The following FAM222A variants were observed in gnomAD, a reference collection of about 807,000 sequenced individuals.
FAM222A encodes family with sequence similarity 222 member A.
In FAM222A, 7 loss-of-function variants were observed where a neutral mutation model predicts 25.8. The observed-to-expected ratio is 0.27, with a 90% CI of 0.15 to 0.51. The LOEUF (loss-of-function observed/expected upper bound fraction) is 0.51. Ranked by LOEUF, FAM222A falls within the 20% of genes least tolerant of loss-of-function variation. The pLI is 0.97. For synonymous variants in FAM222A, 294 were observed against 298.8 expected (o/e 0.98, Z 0.17); for missense variants, 573 against 640.5 (o/e 0.89, Z 1.14).
intron 1 of FAM222A, among the ~76,000 whole-genome samples, chr12:109,719,482 G>A (rs1284608666): frequency 6.6e-6 from 1 of 152,196 alleles, no homozygotes; most frequent in Non-Finnish European, 1.5e-5. Context: ...GTGGTCAAGT[G>A]ATAAGAAATC....
intron 1 of FAM222A, among the ~76,000 whole-genome samples, chr12:109,733,441 A>G (rs143673401): frequency 1.7e-4 from 25 of 150,574 alleles, no homozygotes; most frequent in Admixed American, 4.0e-4. Flanking sequence ...TCGTTCTGTC[A>G]CCCAGGCTGG....
At chr12:109,760,043 G>C (rs1888848351) in intron 2 of FAM222A, among the ~76,000 whole-genome samples, 1 of 152,190 alleles carries the variant, frequency 6.6e-6, no homozygotes, top group Admixed American at 6.5e-5. Flanking sequence ...CAGTGGGCCA[G>C]GGGTATGTAG....
At chr12:109,760,882 C>T (rs1273503044) in intron 2 of FAM222A, among the ~76,000 whole-genome samples, 1 of 152,146 alleles carries the variant, frequency 6.6e-6, no homozygotes, top group African/African-American at 2.4e-5. Context: ...GCCTTGAATG[C>T]CACCCTCAGC....
rs796713756 is a variant in FAM222A, at chr12:109,743,995, A to G, written c.-46-106A>G. 2.8e-6 allele frequency: 4 copies of G among 1,424,220 alleles called. No individual in the cohort carries two copies. The South Asian group carries it at 4.6e-5, about 16-fold the overall frequency. 88.2% of individuals were successfully genotyped at this position (1,424,220 alleles called of 1,614,324 possible). Reference sequence around the variant, plus strand: ...AAGGGAAATGGGTGTCTGCTTTGAGAGTCTCTGATGTTCTTCGGGGTTGCA... The same window carrying G: ...AAGGGAAATGGGTGTCTGCTTTGAGGGTCTCTGATGTTCTTCGGGGTTGCA... On this transcript the variant is annotated intron_variant, in intron 1 of 2. Coordinates refer to ENST00000538780, the MANE Select transcript of FAM222A (RefSeq NM_032829.3).
intron 1 of FAM222A, chr12:109,722,408 A>T (rs553992373): frequency 6.6e-6 from 1 of 152,214 alleles, no homozygotes; most frequent in South Asian, 2.1e-4. Flanking sequence ...GGCTACCTTC[A>T]GTCTACTAGA....
chr12:109,725,680 G>A (rs766889139), intron 1 of FAM222A, among the ~76,000 whole-genome samples: 9 of 151,882 alleles, frequency 5.9e-5, no homozygotes, highest in Non-Finnish European at 1.2e-4. Flanking sequence ...AGCTCCCATT[G>A]TAATCATTAA....
chr12:109,757,391 G>A (rs760837013), intron 2 of FAM222A, among the ~76,000 whole-genome samples: 1 of 152,168 alleles, frequency 6.6e-6, no homozygotes, highest in Non-Finnish European at 1.5e-5. Context: ...GAGACAGTGG[G>A]ATCAGCACAA....
intron 1 of FAM222A, among the ~76,000 whole-genome samples, chr12:109,724,636 C>G (rs1364618608): frequency 6.6e-6 from 1 of 152,192 alleles, no homozygotes; most frequent in East Asian, 1.9e-4. Context: ...CTCATGCCAC[C>G]CCATCCTAGC....
At chr12:109,764,860 C>T (rs374395899) in intron 2 of FAM222A, among the ~76,000 whole-genome samples, 73 of 152,288 alleles carry the variant, frequency 4.8e-4, no homozygotes, top group African/African-American at 1.1e-3. Context: ...AATCCAATCT[C>T]GGAGAAAGAT....
At chr12:109,748,612 T>A (rs1171901405) in intron 2 of FAM222A, among the ~76,000 whole-genome samples, 1 of 152,160 alleles carries the variant, frequency 6.6e-6, no homozygotes, top group African/African-American at 2.4e-5. Context: ...TAAATTATGT[T>A]TCTCTAGAAA....
intron 2 of FAM222A, among the ~76,000 whole-genome samples, chr12:109,766,092 G>A (rs1889041935): frequency 6.6e-6 from 1 of 152,106 alleles, no homozygotes; most frequent in South Asian, 2.1e-4. Flanking sequence ...CCCCTACTGA[G>A]CCCCCGGCGC....
At chr12:109,731,918 T>C (rs2241249) in intron 1 of FAM222A, among the ~76,000 whole-genome samples, 19,107 of 152,226 alleles carry the variant, frequency 0.13, 1,799 homozygotes, top group East Asian at 0.29. Flanking sequence ...GAGCATCTAC[T>C]GTATGTCTGG....
intron 2 of FAM222A, among the ~76,000 whole-genome samples, chr12:109,766,025 T>C (rs1889039348): frequency 6.6e-6 from 1 of 152,126 alleles, no homozygotes; most frequent in Admixed American, 6.5e-5. Flanking sequence ...GTGGTGAAGC[T>C]CCTCTCCCAG....
intron 1 of FAM222A, among the ~76,000 whole-genome samples, chr12:109,731,971 A>C (rs1887957132): frequency 1.3e-5 from 2 of 152,208 alleles, no homozygotes; most frequent in African/African-American, 4.8e-5. Context: ...GTGAGGCCTG[A>C]GGCCCAGCCT....
Position 109,767,997 on chromosome 12 carries a change from G to A in FAM222A, c.83-15G>A, listed in dbSNP as rs1168984495. 6.2e-7 allele frequency: 1 copy of A among 1,607,362 alleles called. No individual in the cohort carries two copies. Among genetic ancestry groups the A allele is most frequent in the African/African-American group, 1.3e-5 (1 of 74,994 alleles). ...GGCCTCCTGATGGGCCCTCACACCTGCTTTCCTCCCACAGGCGAGGCGGTG... is the reference window on the plus strand; with the variant it reads ...GGCCTCCTGATGGGCCCTCACACCTACTTTCCTCCCACAGGCGAGGCGGTG... On this transcript the variant is annotated splice_polypyrimidine_tract_variant and intron_variant, in intron 2 of 2. Transcript: ENST00000538780.
At chr12:109,723,427 G>A (rs1420657446) in intron 1 of FAM222A, among the ~76,000 whole-genome samples, 43 of 152,188 alleles carry the variant, frequency 2.8e-4, no homozygotes, top group Admixed American at 2.8e-3. Context: ...CCTCAGTCTT[G>A]AACCTGCCAT....
chr12:109,719,237 G>A (rs953294115), intron 1 of FAM222A, among the ~76,000 whole-genome samples: 2 of 152,206 alleles, frequency 1.3e-5, no homozygotes, highest in African/African-American at 4.8e-5. Context: ...TGCACATGCT[G>A]GTACCACCCC....
chr12:109,737,284 G>A (rs1888113213), intron 1 of FAM222A, among the ~76,000 whole-genome samples: 1 of 152,106 alleles, frequency 6.6e-6, no homozygotes, highest in Admixed American at 6.5e-5. Flanking sequence ...TCAGGACTCT[G>A]GCTGCCAGCC....
chr12:109,769,085 G>T lies in FAM222A; in HGVS notation c.1156G>T (p.Asp386Tyr). ...AARELAGPPA[D>Y]ALSGLPSKSV... The stretch of plus-strand genomic sequence containing the variant: ...CCGGGAGCTGGCTGGGCCCCCTGCA[G>T]ATGCCCTCTCGGGCCTGCCCAGCAA... The change falls in exon 3 of 3, where the codon GAT (aspartate) becomes TAT (tyrosine). Residue 386 changes from aspartate (D) to tyrosine (Y), a missense_variant. Physicochemically the swap from Asp to Tyr is radical, Grantham distance 160. Around this residue, in one of 3 missense-constraint regions of FAM222A, gnomAD observed 412 missense variants for 407.0 expected, o/e 1.01. Transcript: ENST00000538780. 1 of 1,605,664 alleles carries T rather than the reference G, an allele frequency of 6.2e-7. No homozygotes were observed. The highest frequency in any genetic ancestry group is 2.2e-5 in the East Asian group (1 of 44,566).
Sources: gnomAD v4.1 joint callset for allele counts (sites outside exome capture counted in the v4.1 genomes callset) on GRCh38, gnomAD v4.1.1 for gene constraint, gnomAD v4.1.1 regional missense constraint, MANE v1.5 for transcripts, NCBI Gene and HGNC (gene_info 2026-07-23, HGNC 2026-07-21) for gene names.